ZNF341: variants seen among roughly 807,000 people sequenced by gnomAD.
The protein encoded by ZNF341 is zinc finger protein 341.
ZNF341 carries 52 observed loss-of-function variants against 87.7 expected under a neutral mutation model. That is an observed-to-expected ratio of 0.59 (90% CI 0.47 to 0.75). The LOEUF (loss-of-function observed/expected upper bound fraction) is 0.75, where lower values mean the gene tolerates loss of function less well. Ranked by LOEUF, ZNF341 falls within the 30% of genes least tolerant of loss-of-function variation. The pLI is 0.00. For synonymous variants in ZNF341, 459 were observed against 472.7 expected, an observed-to-expected ratio of 0.97 and a Z score of 0.38; for missense variants, 977 against 1,145.9, an observed-to-expected ratio of 0.85 and a Z score of 2.13.
At chr20:33,736,285 CAGTG>C (rs1441474691) in intron 1 of ZNF341, among the ~76,000 whole-genome samples, 1 of 151,290 alleles carries the variant, frequency 6.6e-6, no homozygotes, top group Non-Finnish European at 1.5e-5. Flanking sequence ...AAAATTGTAA[CAGTG>C]AGAAAATCAT....
intron 14 of ZNF341, among the ~76,000 whole-genome samples, chr20:33,790,607 A>G (rs2019988836): frequency 6.6e-6 from 1 of 152,182 alleles, no homozygotes; most frequent in South Asian, 2.1e-4. Context: ...GAGTAGGTCA[A>G]TGACTTGGAC....
intron 3 of ZNF341, among the ~76,000 whole-genome samples, chr20:33,746,497 G>T (rs1018968540): frequency 2.0e-5 from 3 of 152,218 alleles, no homozygotes; most frequent in Non-Finnish European, 4.4e-5. Flanking sequence ...CGCCCAAAGT[G>T]CCAGGATAAC....
In ZNF341 at chr20:33,744,080, C is replaced by T. The variant is rs144965434; in HGVS notation, c.143-1023C>T. Among the ~76,000 whole-genome samples the T allele has an allele frequency of 1.3e-3, 194 of 152,148 alleles. 1 individual carries two copies. Among genetic ancestry groups the T allele is most frequent in the African/African-American group, 4.2e-3 (174 of 41,526 alleles). On this transcript the variant is annotated intron_variant, in intron 2 of 14. Transcript: ENST00000375200. The stretch of plus-strand genomic sequence containing the variant: ...GTGGATCCCTTGAGGTCAGGAAGTT[C>T]GAGACCAGCCTGGTCAACGTGGTGA...
intron 7 of ZNF341, among the ~76,000 whole-genome samples, chr20:33,760,545 AT>A (rs1027926821): frequency 6.6e-6 from 1 of 151,298 alleles, no homozygotes; most frequent in Non-Finnish European, 1.5e-5. Context: ...AATGAATTTA[AT>A]TTTTTTTTGT....
At chr20:33,760,260 G>T (rs1369409373) in intron 7 of ZNF341, among the ~76,000 whole-genome samples, 1 of 152,058 alleles carries the variant, frequency 6.6e-6, no homozygotes, top group East Asian at 1.9e-4. Context: ...AAAATTAGTT[G>T]GGCATGGTGG....
rs1022618880 is a variant in ZNF341, at chr20:33,791,416, G to A, written c.2464G>A (p.Glu822Lys). ...ETELVVPGHA[E>K]GLGSNLALAE... Reference sequence around the variant, plus strand: ...TGAGCTGGTGGTACCTGGACACGCTGAGGGGCTGGGCTCCAACCTGGCTCT... The same window carrying A: ...TGAGCTGGTGGTACCTGGACACGCTAAGGGGCTGGGCTCCAACCTGGCTCT... The change falls in exon 15 of 15, where the codon GAG becomes AAG. Residue 822 changes from glutamate to lysine, a missense_variant. Physicochemically the swap from Glu to Lys is moderately conservative, Grantham distance 56 (BLOSUM62 1). Around this residue, in one of 3 missense-constraint regions of ZNF341, gnomAD observed 221 missense variants for 212.7 expected, o/e 1.04. Coordinates refer to ENST00000375200, the MANE Select transcript of ZNF341 (RefSeq NM_001282933.2). The A allele has an allele frequency of 6.2e-7, 1 of 1,611,856 alleles. No homozygotes were observed. The highest frequency in any genetic ancestry group is 8.5e-7 in the Non-Finnish European group (1 of 1,179,700).
Position 33,791,295 on chromosome 20 carries a change from T to C in ZNF341, c.2343T>C (p.Ala781=). 1.9e-6 allele frequency: 3 copies of C among 1,611,738 alleles called. No homozygotes were observed. The highest frequency in any genetic ancestry group is 1.7e-6 in the Non-Finnish European group (2 of 1,179,514). Reference sequence around the variant, plus strand: ...TGGAGGAGCTGAAGGACACAGGGGCTGGGCTGGTGCCCGAGGCTGTCCCCG... The same window carrying C: ...TGGAGGAGCTGAAGGACACAGGGGCCGGGCTGGTGCCCGAGGCTGTCCCCG... ...LGLEELKDTG[A]GLVPEAVPGK... is the part of the protein sequence containing the mutation. Residue 781 remains alanine, a synonymous_variant, in exon 15 of 15, where the codon GCT becomes GCC. Transcript: ENST00000375200.
intron 7 of ZNF341, among the ~76,000 whole-genome samples, chr20:33,759,445 C>T (rs1235469234): frequency 6.6e-6 from 1 of 152,094 alleles, no homozygotes; most frequent in Admixed American, 6.6e-5. Flanking sequence ...CCACCACGCC[C>T]GGCTAATTTT....
At chr20:33,743,581 C>T (rs537889831) in intron 2 of ZNF341, among the ~76,000 whole-genome samples, 1 of 152,212 alleles carries the variant, frequency 6.6e-6, no homozygotes, top group African/African-American at 2.4e-5. Flanking sequence ...TCAAGTGATC[C>T]ACCCACCTTG....
chr20:33,789,661 G>A, intron 14 of ZNF341, 73 bp downstream of exon 14: 1 of 1,516,372 alleles, frequency 6.6e-7, no homozygotes, highest in African/African-American at 1.4e-5. Flanking sequence ...GCCAGGAAGA[G>A]AAAGAGCAGA....
intron 4 of ZNF341, among the ~76,000 whole-genome samples, chr20:33,751,733 C>T (rs1220857895): frequency 6.6e-6 from 1 of 152,020 alleles, no homozygotes; most frequent in Non-Finnish European, 1.5e-5. Flanking sequence ...CACCACTATG[C>T]CTGGCTAATG....
rs2019765391 is a variant in ZNF341, at chr20:33,782,490, G to T, written c.1719+1103G>T. Among the ~76,000 whole-genome samples the T allele has an allele frequency of 2.6e-5, 4 of 152,154 alleles. No individual in the cohort carries two copies. The South Asian group carries it at 8.3e-4, about 32-fold the overall frequency. ...TGGCAGATTTTCCAGGACAGCCCTGGTTTCATTTTGGCCTCATTCTGGATG... is the reference window on the plus strand; with the variant it reads ...TGGCAGATTTTCCAGGACAGCCCTGTTTTCATTTTGGCCTCATTCTGGATG... On this transcript the variant is annotated intron_variant, in intron 11 of 14. Transcript: ENST00000375200.
At chr20:33,765,186 A>G (rs963356173) in intron 8 of ZNF341, among the ~76,000 whole-genome samples, 4 of 152,168 alleles carry the variant, frequency 2.6e-5, no homozygotes, top group Admixed American at 2.6e-4. Flanking sequence ...TGGATAGTGT[A>G]AGGCCAGAGT....
intron 10 of ZNF341, among the ~76,000 whole-genome samples, chr20:33,780,589 G>A (rs953236173): frequency 6.6e-6 from 1 of 151,952 alleles, no homozygotes; most frequent in Non-Finnish European, 1.5e-5. Flanking sequence ...TGTATTTTTA[G>A]TAGAGAGACG....
rs1008581206 is a variant in ZNF341 at position 33,740,616 on chromosome 20, C to T, written c.32-286C>T. Reference sequence around the variant, plus strand: ...ACCATCCAGGCTCAAGCAGTCCTCCCGCCTCAGCCTCCCTAGTAGCTGGGA... The same window carrying T: ...ACCATCCAGGCTCAAGCAGTCCTCCTGCCTCAGCCTCCCTAGTAGCTGGGA... On this transcript the variant is annotated intron_variant, in intron 1 of 14. Coordinates refer to ENST00000375200, the MANE Select transcript of ZNF341 (RefSeq NM_001282933.2). Among the ~76,000 whole-genome samples, 20 of 152,168 alleles carry T rather than the reference C, an allele frequency of 1.3e-4. No homozygotes were observed. In the East Asian group the frequency reaches 1.9e-3, roughly 15 times the overall value.
intron 10 of ZNF341, among the ~76,000 whole-genome samples, chr20:33,771,999 G>A (rs2626534): frequency 3.2e-5 from 2 of 63,004 alleles, no homozygotes; most frequent in Admixed American, 2.0e-4. Context: ...GAGCGACAGA[G>A]ACGCTTGTCT....
intron 10 of ZNF341, among the ~76,000 whole-genome samples, chr20:33,774,494 C>T (rs910240414): frequency 6.6e-6 from 1 of 152,086 alleles, no homozygotes; most frequent in Non-Finnish European, 1.5e-5. Context: ...AATATGTTTA[C>T]AGATATGGAT....
chr20:33,744,814 A>G (rs1216508852), intron 2 of ZNF341, among the ~76,000 whole-genome samples: 2 of 151,292 alleles, frequency 1.3e-5, no homozygotes, highest in African/African-American at 2.4e-5. Flanking sequence ...CTGATCTTGA[A>G]CTCCTGACCT....
In ZNF341 at chr20:33,791,343, G is replaced by A. The variant is rs781632259; in HGVS notation, c.2391G>A (p.Pro797=). ...CCGGCAAGCCGCCCTTCGCAGAGCC[G>A]GACGCGGTGCTGTCCATCGTTGTGG... The part of the protein sequence containing the change: ...AVPGKPPFAE[P]DAVLSIVVGG... The change falls in exon 15 of 15, where the codon CCG becomes CCA. Residue 797 remains proline, a synonymous_variant. Transcript: ENST00000375200. The A allele has an allele frequency of 1.6e-5, 26 of 1,611,966 alleles. No individual in the cohort carries two copies. The highest frequency in any genetic ancestry group is 6.7e-5 in the African/African-American group (5 of 74,898).
Sources: allele counts gnomAD v4.1 joint callset (sites outside exome capture counted in the v4.1 genomes callset), GRCh38; gene constraint gnomAD v4.1.1; regional missense constraint gnomAD v4.1.1; transcripts MANE v1.5; gene names NCBI Gene and HGNC (gene_info 2026-07-23, HGNC 2026-07-21).